The following ADAMTS6 variants were observed in gnomAD, a reference collection of about 807,000 sequenced individuals.
ADAMTS6 encodes A disintegrin and metalloproteinase with thrombospondin motifs 6.
In ADAMTS6, 23 loss-of-function variants were observed where a neutral mutation model predicts 144.3. The ratio of observed to expected loss-of-function variants is 0.16; its 90% CI spans 0.11 to 0.23. ADAMTS6 has a LOEUF of 0.23. ADAMTS6 is among the 10% of genes least tolerant of loss of function. The pLI is 1.00. For synonymous variants in ADAMTS6, 444 were observed against 457.5 expected, an observed-to-expected ratio of 0.97 and a Z score of 0.38; for missense variants, 999 against 1,379.6, an observed-to-expected ratio of 0.72 and a Z score of 4.37.
At position 65,304,179 on chromosome 5, in the gene ADAMTS6, T is replaced by G. The variant is rs200314064; in HGVS notation, c.1224-4048A>C. On this transcript the variant is annotated intron_variant, in intron 9 of 24. Transcript: ENST00000381055. ...AGTCATCTAAGAGAATATATACTTC[T>G]GTAATCTACATTTCAAACATAAGAA... Among the ~76,000 whole-genome samples the G allele has an allele frequency of 7.9e-5, 12 of 152,322 alleles. No homozygotes were observed. In the East Asian group the frequency reaches 2.1e-3, roughly 27 times the overall value.
intron 11 of ADAMTS6, among the ~76,000 whole-genome samples, chr5:65,276,204 A>G (rs1379410250): frequency 6.6e-6 from 1 of 152,088 alleles, no homozygotes; most frequent in Non-Finnish European, 1.5e-5. Context: ...CTTACCTTTT[A>G]GAGAATGATG....
chr5:65,188,137 A>C lies in ADAMTS6; in HGVS notation c.2789T>G (p.Ile930Ser). The change falls in exon 22 of 25, where the codon ATC becomes AGC. Residue 930 changes from isoleucine to serine, a missense_variant. Ile to Ser is a moderately radical substitution (Grantham distance 142). This residue lies in a region of ADAMTS6 where 619 missense variants were observed against 837.0 expected (regional missense o/e 0.74). Transcript: ENST00000381055. ...CAGCGTCTCCTCCTCAGAAGGTCCG[A>C]TCTTCCTGATGCAGAGCACTGCCCT... is the stretch of plus-strand genomic sequence containing the variant. ...RTRAVLCIRK[I>S]GPSEEETLDY... The C allele has an allele frequency of 6.2e-7, 1 of 1,614,144 alleles. No individual in the cohort carries two copies. Among genetic ancestry groups the C allele is most frequent in the Middle Eastern group, 1.6e-4 (1 of 6,062 alleles).
chr5:65,389,248 T>C (rs1752721256), intron 7 of ADAMTS6, among the ~76,000 whole-genome samples: 1 of 151,596 alleles, frequency 6.6e-6, no homozygotes, highest in African/African-American at 2.4e-5. Context: ...TTCCAACACT[T>C]GGAATAAAGA....
intron 15 of ADAMTS6, among the ~76,000 whole-genome samples, chr5:65,234,567 CAT>C (rs1739658984): frequency 2.6e-5 from 4 of 151,828 alleles, no homozygotes; most frequent in African/African-American, 4.8e-5. Context: ...TTACCTCACA[CAT>C]GTTAGGATGG....
intron 2 of ADAMTS6, among the ~76,000 whole-genome samples, chr5:65,472,520 TA>T (rs992267436): frequency 6.6e-6 from 1 of 152,194 alleles, no homozygotes; most frequent in African/African-American, 2.4e-5. Context: ...AAAGCTATTT[TA>T]AAAACAGCTT....
intron 22 of ADAMTS6, among the ~76,000 whole-genome samples, chr5:65,173,882 G>T (rs113320956): frequency 1.8e-3 from 279 of 152,204 alleles, no homozygotes; most frequent in African/African-American, 6.3e-3. Context: ...AATTAGCTGG[G>T]TGTGGTGGTG....
At chr5:65,306,574 T>C (rs1435961848) in intron 9 of ADAMTS6, among the ~76,000 whole-genome samples, 1 of 152,176 alleles carries the variant, frequency 6.6e-6, no homozygotes, top group Non-Finnish European at 1.5e-5. Flanking sequence ...ATGTGCAAAA[T>C]AGATTTTTGG....
At chr5:65,173,853 T>C (rs527496271) in intron 22 of ADAMTS6, among the ~76,000 whole-genome samples, 18 of 152,150 alleles carry the variant, frequency 1.2e-4, no homozygotes, top group Admixed American at 9.8e-4. Flanking sequence ...TGAAACCCTG[T>C]CTCTACTAAA....
At chr5:65,304,915 G>GA (rs904776147) in intron 9 of ADAMTS6, among the ~76,000 whole-genome samples, 13 of 151,566 alleles carry the variant, frequency 8.6e-5, no homozygotes, top group African/African-American at 2.7e-4. Context: ...GGATTAGGGA[G>GA]AAAAAAAATG....
chr5:65,172,461 A>G (rs1753694580), intron 23 of ADAMTS6, among the ~76,000 whole-genome samples: 1 of 152,014 alleles, frequency 6.6e-6, no homozygotes, highest in East Asian at 1.9e-4. Flanking sequence ...CAAGTGGGAA[A>G]ATGAAGACAC....
chr5:65,277,004 C>T (rs1762594548), intron 11 of ADAMTS6, among the ~76,000 whole-genome samples: 1 of 152,126 alleles, frequency 6.6e-6, no homozygotes, highest in Admixed American at 6.5e-5. Flanking sequence ...CTTGATAATC[C>T]TAAATTTTGT....
chr5:65,425,846 C>G (rs543274360), intron 7 of ADAMTS6, among the ~76,000 whole-genome samples: 487 of 151,600 alleles, frequency 3.2e-3, no homozygotes, highest in Non-Finnish European at 5.1e-3. Flanking sequence ...TCACTGCAAG[C>G]TCCGCCTCCT....
intron 15 of ADAMTS6, among the ~76,000 whole-genome samples, chr5:65,237,419 G>GAAAAA (rs1758758163): frequency 1.4e-5 from 2 of 139,046 alleles, no homozygotes; most frequent in African/African-American, 2.7e-5. Context: ...AACTCCACAA[G>GAAAAA]AAAATAAAAT....
intron 18 of ADAMTS6, among the ~76,000 whole-genome samples, chr5:65,218,589 CATA>C (rs1298428455): frequency 2.6e-5 from 4 of 151,884 alleles, no homozygotes; most frequent in African/African-American, 9.7e-5. Context: ...TAAAGGAAAA[CATA>C]ATGAGAAGAA....
At position 65,284,492 on chromosome 5, in the gene ADAMTS6, A is replaced by C. The variant is rs533525179; in HGVS notation, c.1512+6837T>G. On this transcript the variant is annotated intron_variant, in intron 11 of 24. Coordinates refer to ENST00000381055, the MANE Select transcript of ADAMTS6 (RefSeq NM_197941.4). ...TGAGAAAATATGCAGATTTCAATGGAATTGAATGAATATAAACTATGTGGC... is the reference window on the plus strand; with the variant it reads ...TGAGAAAATATGCAGATTTCAATGGCATTGAATGAATATAAACTATGTGGC... Among the ~76,000 whole-genome samples the C allele has an allele frequency of 9.2e-5, 14 of 152,232 alleles. No individual in the cohort carries two copies. The East Asian group carries it at 1.9e-3, about 21-fold the overall frequency.
intron 19 of ADAMTS6, 137 bp downstream of exon 19, chr5:65,215,187 C>T: frequency 8.9e-7 from 1 of 1,126,594 alleles, no homozygotes; most frequent in Non-Finnish European, 1.2e-6. Context: ...ACAGCTCTAA[C>T]ACCCTTGGGT....
chr5:65,379,773 G>T (rs185544827), intron 7 of ADAMTS6, among the ~76,000 whole-genome samples: 1 of 151,578 alleles, frequency 6.6e-6, no homozygotes, highest in African/African-American at 2.4e-5. Flanking sequence ...CTAAACACAC[G>T]CACACACATG....
intron 11 of ADAMTS6, among the ~76,000 whole-genome samples, chr5:65,275,207 C>A (rs1762364156): frequency 1.3e-5 from 1 of 79,512 alleles, no homozygotes; most frequent in Non-Finnish European, 2.1e-5. Flanking sequence ...GAATGAGGCT[C>A]TGTGTCAAAA....
At chr5:65,425,670 C>A (rs1033182035) in intron 7 of ADAMTS6, among the ~76,000 whole-genome samples, 3 of 152,142 alleles carry the variant, frequency 2.0e-5, no homozygotes, top group Non-Finnish European at 4.4e-5. Context: ...ATTAGTTATA[C>A]CTTCCTAGGA....
Sources: allele counts gnomAD v4.1 joint callset (sites outside exome capture counted in the v4.1 genomes callset), GRCh38; gene constraint gnomAD v4.1.1; regional missense constraint gnomAD v4.1.1; transcripts MANE v1.5; gene names NCBI Gene and HGNC (gene_info 2026-07-23, HGNC 2026-07-21).